The following CYFIP1 variants were observed in gnomAD, a reference collection of about 807,000 sequenced individuals.
CYFIP1 encodes cytoplasmic FMR1 interacting protein 1.
Under a neutral mutation model 163.5 loss-of-function variants are expected in CYFIP1, and 58 were observed. The ratio of observed to expected loss-of-function variants is 0.35; its 90% confidence interval spans 0.29 to 0.44. The LOEUF (loss-of-function observed/expected upper bound fraction) is 0.44, where lower values mean the gene tolerates loss of function less well. Ranked by LOEUF, CYFIP1 falls within the 20% of genes least tolerant of loss-of-function variation. The pLI is 1.00. For synonymous variants in CYFIP1, 663 were observed against 660.7 expected (o/e 1.00, Z -0.05); for missense variants, 1,338 against 1,653.8 (o/e 0.81, Z 3.31).
At chr15:22,900,689 C>T (rs1195774496) in intron 22 of CYFIP1, among the ~76,000 whole-genome samples, 2 of 151,624 alleles carry the variant, frequency 1.3e-5, no homozygotes, top group African/African-American at 2.4e-5. Flanking sequence ...CATGAGCCAC[C>T]GTGCCTGGCC....
intron 21 of CYFIP1, chr15:22,904,250 G>A (rs537471447): frequency 2.1e-4 from 69 of 336,338 alleles, no homozygotes; most frequent in African/African-American, 7.6e-4. Flanking sequence ...TAACCCAGCC[G>A]GCGGCTGCAT....
chr15:22,886,202 G>A (rs981898023), intron 23 of CYFIP1, among the ~76,000 whole-genome samples: 1 of 152,088 alleles, frequency 6.6e-6, no homozygotes, highest in Admixed American at 6.5e-5. Flanking sequence ...CTCCCACCAG[G>A]TCCCTCCCTT....
Position 22,893,237 on chromosome 15 carries a change from C to T in CYFIP1, c.2589-260G>A, listed in dbSNP as rs1183500375. Among the ~76,000 whole-genome samples, 6 of 152,194 alleles carry T rather than the reference C, an allele frequency of 3.9e-5. No homozygotes were observed. In the South Asian group the frequency reaches 1.2e-3, roughly 32 times the overall value. On this transcript the variant is annotated intron_variant, in intron 22 of 30. Transcript: ENST00000617928. ...CTGCTGTACCAGAGCCGCCTCGAGC[C>T]CAACGCAATCCTCAGGTAGCTCGTG...
intron 13 of CYFIP1, among the ~76,000 whole-genome samples, chr15:22,921,860 A>G (rs2061194273): frequency 1.3e-5 from 2 of 152,132 alleles, no homozygotes; most frequent in Admixed American, 6.5e-5. Flanking sequence ...AGATTATGAA[A>G]AAATACTGTC....
chr15:22,888,177 T>C (rs2059977322), intron 23 of CYFIP1, among the ~76,000 whole-genome samples: 1 of 152,190 alleles, frequency 6.6e-6, no homozygotes, highest in African/African-American at 2.4e-5. Flanking sequence ...CAGCCCTAGT[T>C]CACTATTCAT....
At chr15:22,913,384 C>T (rs187771765) in intron 17 of CYFIP1, among the ~76,000 whole-genome samples, 235 of 149,512 alleles carry the variant, frequency 1.6e-3, no homozygotes, top group African/African-American at 5.5e-3. Flanking sequence ...AAAAATTAGC[C>T]GGGCGTGGTG....
chr15:22,939,590 C>A (rs949089197), intron 6 of CYFIP1, 83 bp from the exon 7 acceptor site: 23 of 929,410 alleles, frequency 2.5e-5, no homozygotes, highest in Middle Eastern at 3.6e-4. Context: ...AAGCCTGGTT[C>A]GAGTGGGATC....
At chr15:22,978,345 T>A (rs1449949749) in intron 1 of CYFIP1, among the ~76,000 whole-genome samples, 1 of 89,178 alleles carries the variant, frequency 1.1e-5, no homozygotes, top group Non-Finnish European at 1.9e-5. Flanking sequence ...GAGTTAAGAC[T>A]CTGTCACAAA....
chr15:22,909,426 T>C (rs1427858449), intron 20 of CYFIP1, 113 bp from the exon 21 acceptor site: 1 of 1,356,726 alleles, frequency 7.4e-7, no homozygotes, highest in Non-Finnish European at 1.0e-6. Context: ...CGACACCCTT[T>C]ACAACCACGT....
At position 22,910,711 on chromosome 15, in the gene CYFIP1, A is replaced by G. The variant is rs1258724023; in HGVS notation, c.2159+26T>C. 3 of 1,609,578 alleles carry G rather than the reference A, an allele frequency of 1.9e-6. No homozygotes were observed. In the South Asian group the frequency reaches 3.3e-5, roughly 18 times the overall value. ...CAGATCAAATTATGAAACGTTTTGT[A>G]TCAAAATCACACACCAGATACTCAC... On this transcript the variant is annotated intron_variant, in intron 19 of 30. Coordinates refer to ENST00000617928, the MANE Select transcript of CYFIP1 (RefSeq NM_014608.6).
At chr15:22,925,959 A>G in intron 13 of CYFIP1, 23 bp downstream of exon 13, 1 of 1,609,886 alleles carries the variant, frequency 6.2e-7, no homozygotes, top group East Asian at 2.2e-5. Flanking sequence ...CATGAGGAAG[A>G]GCGAGCGGCC....
At position 22,867,068 on chromosome 15, in the gene CYFIP1, A is replaced by ATTGT. The variant is rs2059143831; in HGVS notation, c.*2956_*2959dup. 1 of 520,616 alleles carries ATTGT rather than the reference A, an allele frequency of 1.9e-6. No individual in the cohort carries two copies. Among genetic ancestry groups the ATTGT allele is most frequent in the East Asian group, 3.1e-5 (1 of 32,690 alleles). The allele number at this position is 520,616 out of a possible 1,614,324, so 32.2% of individuals were successfully genotyped here. A position where few individuals can be genotyped will look rare whatever the true frequency, so the allele number is the denominator to read the frequency against. On this transcript the variant is annotated 3_prime_UTR_variant, in exon 31 of 31. Transcript: ENST00000617928. ...ACATGACGATTTCTATTAACATTTT[A>ATTGT]TTGTTGTAGAAGTATTTTACATTTT...
At chr15:22,877,898 CCT>C (rs1456497140) in intron 26 of CYFIP1, among the ~76,000 whole-genome samples, 7 of 152,258 alleles carry the variant, frequency 4.6e-5, no homozygotes, top group African/African-American at 1.4e-4. Context: ...CTCGGACTCC[CCT>C]GACATGTGAG....
intron 24 of CYFIP1, among the ~76,000 whole-genome samples, chr15:22,882,291 G>T (rs2068656): frequency 0.022 from 3,424 of 152,260 alleles, 133 homozygotes; most frequent in African/African-American, 0.077. Flanking sequence ...CTGTGCTCCT[G>T]GGTGCGGCCC....
intron 25 of CYFIP1, among the ~76,000 whole-genome samples, chr15:22,880,866 G>A (rs1317083049): frequency 6.6e-6 from 1 of 152,174 alleles, no homozygotes; most frequent in Non-Finnish European, 1.5e-5. Flanking sequence ...GGACGCTCAT[G>A]CACCTGTGTC....
In CYFIP1 at chr15:22,945,802, C is replaced by T. The variant is rs1451994059; in HGVS notation, c.208-863G>A. ...TTCACCATGTTGGCCAGGCTGGTCTCGAACTCCTGACCCTAGGTGATCCGC... is the reference window on the plus strand; with the variant it reads ...TTCACCATGTTGGCCAGGCTGGTCTTGAACTCCTGACCCTAGGTGATCCGC... On this transcript the variant is annotated intron_variant, in intron 3 of 30. Coordinates refer to ENST00000617928, the MANE Select transcript of CYFIP1 (RefSeq NM_014608.6). 2.0e-5 allele frequency among the ~76,000 whole-genome samples: 3 copies of T among 151,198 alleles called. 1 individual carries two copies. Among genetic ancestry groups the T allele is most frequent in the Admixed American group, 1.3e-4 (2 of 15,178 alleles).
intron 1 of CYFIP1, among the ~76,000 whole-genome samples, chr15:22,968,605 T>C (rs547154179): frequency 6.6e-6 from 1 of 152,224 alleles, no homozygotes; most frequent in African/African-American, 2.4e-5. Flanking sequence ...CCCTGACTAA[T>C]ACATCACCTC....
chr15:22,974,472 A>G (rs998826450), intron 1 of CYFIP1, among the ~76,000 whole-genome samples: 3 of 152,218 alleles, frequency 2.0e-5, no homozygotes, highest in Non-Finnish European at 2.9e-5. Flanking sequence ...GCTCATGCCT[A>G]TAATCCCAGT....
At chr15:22,878,732 C>G (rs2059658943) in intron 26 of CYFIP1, among the ~76,000 whole-genome samples, 1 of 144,196 alleles carries the variant, frequency 6.9e-6, no homozygotes, top group South Asian at 2.2e-4. Context: ...AAATTAAGAG[C>G]ATTTTATCAA....
Sources: gnomAD v4.1 joint callset for allele counts (sites outside exome capture counted in the v4.1 genomes callset) on GRCh38, gnomAD v4.1.1 for gene constraint, MANE v1.5 for transcripts, NCBI Gene and HGNC (gene_info 2026-07-23, HGNC 2026-07-21) for gene names.